The following BICD1 variants were observed in gnomAD, a reference collection of about 807,000 sequenced individuals.
BICD1 encodes BICD cargo adaptor 1, also known as protein bicaudal D homolog 1.
A neutral mutation model predicts 92.5 loss-of-function variants in BICD1; 35 were observed. That is an observed-to-expected ratio of 0.38 (90% confidence interval 0.29 to 0.50). The LOEUF (loss-of-function observed/expected upper bound fraction) is 0.50. Ranked by LOEUF, BICD1 falls within the 20% of genes least tolerant of loss-of-function variation. BICD1 has a pLI of 0.93. For missense variants in BICD1, 950 were observed against 1,189.8 expected, an observed-to-expected ratio of 0.80 and a Z score of 2.97; for synonymous variants, 429 against 465.1, an observed-to-expected ratio of 0.92 and a Z score of 1.00.
intron 1 of BICD1, among the ~76,000 whole-genome samples, chr12:32,146,753 G>GT (rs1943115834): frequency 6.6e-6 from 1 of 151,864 alleles, no homozygotes; most frequent in Admixed American, 6.6e-5. Flanking sequence ...GGAAACCAGC[G>GT]TGGAAGCTTT....
chr12:32,347,302 G>T (rs1427110676), intron 8 of BICD1, among the ~76,000 whole-genome samples: 1 of 151,512 alleles, frequency 6.6e-6, no homozygotes, highest in Non-Finnish European at 1.5e-5. Flanking sequence ...TGCTGATTCT[G>T]CTTTGTCTCT....
At chr12:32,331,683 T>C (rs1482546831) in intron 5 of BICD1, among the ~76,000 whole-genome samples, 3 of 152,032 alleles carry the variant, frequency 2.0e-5, no homozygotes, top group African/African-American at 7.2e-5. Context: ...GTGTAGAATT[T>C]TGTGGCTCAT....
chr12:32,226,473 G>A (rs2121576154), intron 2 of BICD1, among the ~76,000 whole-genome samples: 1 of 152,240 alleles, frequency 6.6e-6, no homozygotes, highest in Non-Finnish European at 1.5e-5. Flanking sequence ...CTGGATTTTT[G>A]TCAAATAGAG....
intron 2 of BICD1, among the ~76,000 whole-genome samples, chr12:32,246,406 G>T (rs1946390888): frequency 1.3e-5 from 2 of 152,012 alleles, no homozygotes; most frequent in African/African-American, 4.8e-5. Context: ...GGGTGGCCAA[G>T]GTGGGAGGAT....
intron 1 of BICD1, among the ~76,000 whole-genome samples, chr12:32,153,093 A>G (rs1193089574): frequency 6.6e-6 from 1 of 152,156 alleles, no homozygotes; most frequent in Non-Finnish European, 1.5e-5. Flanking sequence ...AGGCATCCCT[A>G]GTGCCTAGTA....
rs920709948 is a variant in BICD1 at position 32,249,924 on chromosome 12, G to C, written c.426+33465G>C. 2.0e-5 allele frequency among the ~76,000 whole-genome samples: 3 copies of C among 151,506 alleles called. No individual in the cohort carries two copies. In the Admixed American group the frequency reaches 2.0e-4, roughly 10 times the overall value. ...AAATAAAAGGGATTTGATCATAAAT[G>C]CTTCTGGGGTTGGCATACCAGATCA... On this transcript the variant is annotated intron_variant, in intron 2 of 9. Coordinates refer to ENST00000652176, the MANE Select transcript of BICD1 (RefSeq NM_001714.4).
chr12:32,381,651 T>C lies in BICD1; in HGVS notation c.*4024T>C, dbSNP rs1036122406. ...ATTGTCATAATCAATCAGCCAAAAG[T>C]TACAATCTGTCCCTCAGAGACATTG... On this transcript the variant is annotated 3_prime_UTR_variant, in exon 10 of 10. Coordinates refer to ENST00000652176, the MANE Select transcript of BICD1 (RefSeq NM_001714.4). The C allele has an allele frequency of 2.6e-4, 40 of 152,122 alleles. No individual in the cohort carries two copies. Among genetic ancestry groups the C allele is most frequent in the African/African-American group, 9.7e-4 (40 of 41,450 alleles). The allele number at this position is 152,122 out of a possible 1,614,324, so 9.4% of individuals were successfully genotyped here.
At chr12:32,305,158 T>C (rs1948177864) in intron 3 of BICD1, among the ~76,000 whole-genome samples, 1 of 152,212 alleles carries the variant, frequency 6.6e-6, no homozygotes. Flanking sequence ...TTCATCTTAC[T>C]CTCAAACATT....
At chr12:32,305,249 A>T (rs1948180187) in intron 3 of BICD1, among the ~76,000 whole-genome samples, 1 of 152,176 alleles carries the variant, frequency 6.6e-6, no homozygotes. Context: ...AAGGAAATAA[A>T]ACAAAGTAAT....
chr12:32,300,580 G>A (rs1048638312), intron 3 of BICD1, among the ~76,000 whole-genome samples: 4 of 146,664 alleles, frequency 2.7e-5, no homozygotes, highest in East Asian at 4.1e-4. Flanking sequence ...GGTGTCCTAT[G>A]TTGTCCAGGG....
intron 8 of BICD1, among the ~76,000 whole-genome samples, chr12:32,364,009 C>CCATCACCATCACCACCAT (rs1939431630): frequency 7.4e-6 from 1 of 135,308 alleles, no homozygotes; most frequent in Admixed American, 7.3e-5. Context: ...ATCACCATCA[C>CCATCACCATCACCACCAT]CATCACCATC....
intron 3 of BICD1, among the ~76,000 whole-genome samples, chr12:32,299,442 G>C (rs7970001): frequency 0.14 from 21,519 of 152,148 alleles, 2,096 homozygotes; most frequent in African/African-American, 0.27. Flanking sequence ...TAACTTAGGT[G>C]TTAAAAGAGG....
At chr12:32,347,625 C>T (rs1022206640) in intron 8 of BICD1, among the ~76,000 whole-genome samples, 7 of 148,962 alleles carry the variant, frequency 4.7e-5, no homozygotes, top group African/African-American at 1.5e-4. Context: ...GCAACAAGAA[C>T]GAAACGCCAT....
At chr12:32,295,566 G>T (rs2136196914) in intron 3 of BICD1, among the ~76,000 whole-genome samples, 1 of 151,754 alleles carries the variant, frequency 6.6e-6, no homozygotes, top group Non-Finnish European at 1.5e-5. Flanking sequence ...CTGATTGATT[G>T]ATTGATTGAT....
intron 5 of BICD1, chr12:32,333,087 C>T: frequency 1.0e-6 from 1 of 984,498 alleles, no homozygotes; most frequent in African/African-American, 1.7e-5. Context: ...TCTGTTATCC[C>T]CCATTTTATT....
intron 1 of BICD1, among the ~76,000 whole-genome samples, chr12:32,158,638 T>C (rs1349637631): frequency 6.6e-6 from 1 of 152,184 alleles, no homozygotes; most frequent in Non-Finnish European, 1.5e-5. Context: ...TGTACTTTAT[T>C]TGTGGACAGT....
chr12:32,364,446 A>G (rs940378675), intron 8 of BICD1, among the ~76,000 whole-genome samples: 1 of 152,136 alleles, frequency 6.6e-6, no homozygotes, highest in African/African-American at 2.4e-5. Flanking sequence ...ACATCCTAAG[A>G]CACATCCGTG....
At chr12:32,367,442 T>A in intron 8 of BICD1, 1 of 441,882 alleles carries the variant, frequency 2.3e-6, no homozygotes, top group East Asian at 3.5e-5. Flanking sequence ...GAAATCTCGC[T>A]ACTAATGCTG....
intron 1 of BICD1, among the ~76,000 whole-genome samples, chr12:32,205,793 CTAAAG>C (rs1170452615): frequency 6.7e-6 from 1 of 150,322 alleles, no homozygotes; most frequent in Admixed American, 6.7e-5. Flanking sequence ...CCATGACTCT[CTAAAG>C]TATTTTCTCA....
Sources: allele counts gnomAD v4.1 joint callset (sites outside exome capture counted in the v4.1 genomes callset), GRCh38; gene constraint gnomAD v4.1.1; transcripts MANE v1.5; gene names NCBI Gene and HGNC (gene_info 2026-07-23, HGNC 2026-07-21).